The following PRKCD variants were observed in gnomAD, a reference collection of about 807,000 sequenced individuals.
The protein encoded by PRKCD is protein kinase C delta, also known as protein kinase C delta type.
A neutral mutation model predicts 82.2 loss-of-function variants in PRKCD; 20 were observed. That is an observed-to-expected ratio of 0.24 (90% CI 0.17 to 0.35). PRKCD has a LOEUF of 0.35. PRKCD is among the 10% of genes least tolerant of loss of function. The probability of loss-of-function intolerance (pLI) is 1.00; values close to 1 mark genes in which losing one functional copy is unlikely to be tolerated. For synonymous variants in PRKCD, 317 were observed against 337.0 expected (o/e 0.94, Z 0.65); for missense variants, 607 against 899.0 (o/e 0.68, Z 4.15).
In PRKCD at chr3:53,181,473, G is replaced by A. The variant is rs1703438609; in HGVS notation, c.406G>A (p.Glu136Lys). ...DCKQSMRSEDEAKFPTMNRRG... is the reference protein window; with the variant it reads ...DCKQSMRSEDKAKFPTMNRRG... ...CAAACAGTCTATGCGCAGTGAGGAC[G>A]AGGCCAAGTTCCCAACGATGAACCG... is the stretch of plus-strand genomic sequence containing the variant. Residue 136 changes from glutamate (E) to lysine (K), a missense_variant, in exon 6 of 19, where the codon GAG becomes AAG. This residue lies in a region of PRKCD where 161 missense variants were observed against 227.0 expected (regional missense o/e 0.71). Coordinates refer to ENST00000330452, the MANE Select transcript of PRKCD (RefSeq NM_006254.4). 3 of 1,614,146 alleles carry A rather than the reference G, an allele frequency of 1.9e-6. No individual in the cohort carries two copies. The highest frequency in any genetic ancestry group is 1.3e-5 in the African/African-American group (1 of 75,012).
chr3:53,170,630 G>T (rs1702989838), intron 2 of PRKCD, among the ~76,000 whole-genome samples: 2 of 152,244 alleles, frequency 1.3e-5, no homozygotes, highest in African/African-American at 4.8e-5. Flanking sequence ...CTCCCTGGGT[G>T]GAAAGGCCCA....
In PRKCD at chr3:53,186,157, TC is replaced by T; in HGVS notation, c.1087-6del. On this transcript the variant is annotated splice_polypyrimidine_tract_variant and intron_variant, in intron 12 of 18. Coordinates refer to ENST00000330452, the MANE Select transcript of PRKCD (RefSeq NM_006254.4). ...TCCTCACCTGCTCAGCACCCGTGTC[TC>T]CCCATCAGGTGCTGCTTGGAGAGCT... is the stretch of plus-strand genomic sequence containing the variant. The T allele has an allele frequency of 6.2e-7, 1 of 1,612,968 alleles. No homozygotes were observed. The highest frequency in any genetic ancestry group is 1.3e-5 in the African/African-American group (1 of 74,974).
At chr3:53,186,900 C>T (rs971876612) in intron 14 of PRKCD, among the ~76,000 whole-genome samples, 4 of 152,196 alleles carry the variant, frequency 2.6e-5, no homozygotes, top group African/African-American at 4.8e-5. Flanking sequence ...CGGCTGGGTG[C>T]GCAGCGCAAA....
At chr3:53,166,315 C>T (rs1247725283) in intron 2 of PRKCD, among the ~76,000 whole-genome samples, 1 of 152,210 alleles carries the variant, frequency 6.6e-6, no homozygotes, top group Non-Finnish European at 1.5e-5. Context: ...CTAGGGGCCT[C>T]TGCCACCTAA....
rs782337010 is a variant in PRKCD, at chr3:53,178,402, A to G, written c.-19-2A>G. The G allele has an allele frequency of 3.1e-6, 5 of 1,603,226 alleles. No individual in the cohort carries two copies. The highest frequency in any genetic ancestry group is 4.3e-6 in the Non-Finnish European group (5 of 1,174,394). ...CCTGGCCTCACCCCTCTGTGTGCAC[A>G]GCCCCACTGCAGGCCCCACCATGGC... On this transcript the variant is annotated splice_acceptor_variant, in intron 2 of 18. Transcript: ENST00000330452. LOFTEE classifies it low-confidence loss of function (5UTR_SPLICE).
At chr3:53,183,053 C>T (rs2107267366) in intron 7 of PRKCD, 68 bp from the exon 8 acceptor site, 5 of 1,516,558 alleles carry the variant, frequency 3.3e-6, no homozygotes, top group Non-Finnish European at 4.6e-6. Flanking sequence ...GGTCGGCAGG[C>T]ACCAGCTCAT....
At chr3:53,180,934 C>T (rs374140936) in intron 4 of PRKCD, among the ~76,000 whole-genome samples, 12 of 152,024 alleles carry the variant, frequency 7.9e-5, no homozygotes, top group African/African-American at 2.4e-4. Context: ...TTTCCCTTCC[C>T]GCTCTATTCC....
intron 1 of PRKCD, among the ~76,000 whole-genome samples, chr3:53,163,399 G>A (rs568076761): frequency 1.3e-5 from 2 of 152,080 alleles, no homozygotes; most frequent in South Asian, 4.1e-4. Context: ...GAGTGTGTGG[G>A]AGACCATGAG....
chr3:53,175,417 C>T (rs1703182684), intron 2 of PRKCD, among the ~76,000 whole-genome samples: 1 of 152,102 alleles, frequency 6.6e-6, no homozygotes, highest in African/African-American at 2.4e-5. Context: ...TAGCCCTTAT[C>T]CTACGTGAGT....
chr3:53,164,680 G>T (rs1180416658), intron 1 of PRKCD, among the ~76,000 whole-genome samples: 1 of 152,044 alleles, frequency 6.6e-6, no homozygotes, highest in East Asian at 1.9e-4. Context: ...AGAACCACCT[G>T]GGGAGAAGAG....
In PRKCD at chr3:53,179,425, G is replaced by A. The variant is rs782672691; in HGVS notation, c.116-152G>A. 6 of 963,950 alleles carry A rather than the reference G, an allele frequency of 6.2e-6. No individual in the cohort carries two copies. The East Asian group carries it at 7.2e-5, about 11-fold the overall frequency. 59.7% of individuals were successfully genotyped at this position (963,950 alleles called of 1,614,324 possible). ...AGGGAGGACCTAGCAGGGTGCCCAA[G>A]GTAGTTCTGTGCTCTAGAGGACACT... On this transcript the variant is annotated intron_variant, in intron 3 of 18. Transcript: ENST00000330452.
chr3:53,189,376 C>T (rs531917750), intron 17 of PRKCD, 130 bp downstream of exon 17: 31 of 967,024 alleles, frequency 3.2e-5, no homozygotes, highest in South Asian at 2.4e-4. Flanking sequence ...TCCTAACATA[C>T]GGGGTATTGC....
intron 4 of PRKCD, among the ~76,000 whole-genome samples, chr3:53,180,270 A>G (rs1319168869): frequency 6.6e-6 from 1 of 152,222 alleles, no homozygotes; most frequent in Non-Finnish European, 1.5e-5. Context: ...GGCACCCATT[A>G]TCCCAGTTCT....
chr3:53,186,367 C>G (rs1553669099), intron 13 of PRKCD, 27 bp downstream of exon 13: 1 of 1,612,900 alleles, frequency 6.2e-7, no homozygotes, highest in Non-Finnish European at 8.5e-7. Context: ...CCGTCACCAC[C>G]CCATGCCACA....
chr3:53,171,718 G>C (rs902973580), intron 2 of PRKCD, among the ~76,000 whole-genome samples: 1 of 152,250 alleles, frequency 6.6e-6, no homozygotes, highest in Non-Finnish European at 1.5e-5. Context: ...AATTCAGAAG[G>C]CTGTTCCAGC....
rs1010140622 is a variant in PRKCD, at chr3:53,186,264, T to C, written c.1184T>C (p.Met395Thr). 6.2e-7 allele frequency: 1 copy of C among 1,614,056 alleles called. No individual in the cohort carries two copies. Among genetic ancestry groups the C allele is most frequent in the African/African-American group, 1.3e-5 (1 of 74,928 alleles). ...VLIDDDVECT[M>T]VEKRVLTLAA... Reference sequence around the variant, plus strand: ...ATCGACGACGACGTGGAGTGCACCATGGTTGAGAAGCGGGTGCTGACACTT... The same window carrying C: ...ATCGACGACGACGTGGAGTGCACCACGGTTGAGAAGCGGGTGCTGACACTT... The change falls in exon 13 of 19, where the codon ATG (methionine) becomes ACG (threonine). Residue 395 changes from methionine (M) to threonine (T), a missense_variant. By Grantham distance (81) the Met-to-Thr change is moderately conservative. Around this residue, in one of 5 missense-constraint regions of PRKCD, gnomAD observed 251 missense variants for 423.9 expected, o/e 0.59. Coordinates refer to ENST00000330452, the MANE Select transcript of PRKCD (RefSeq NM_006254.4).
At chr3:53,162,727 C>A (rs1702714998) in intron 1 of PRKCD, among the ~76,000 whole-genome samples, 1 of 145,064 alleles carries the variant, frequency 6.9e-6, no homozygotes, top group African/African-American at 2.6e-5. Context: ...TGTGTCCTTG[C>A]CTGCTAGTGT....
At chr3:53,170,917 C>T (rs1212170543) in intron 2 of PRKCD, among the ~76,000 whole-genome samples, 1 of 151,270 alleles carries the variant, frequency 6.6e-6, no homozygotes, top group Non-Finnish European at 1.5e-5. Context: ...ATGTGAGAGC[C>T]GGTGAGTGCA....
At position 53,186,004 on chromosome 3, in the gene PRKCD, C is replaced by T. The variant is rs1426372473; in HGVS notation, c.1063C>T (p.Leu355=). Residue 355 remains leucine, a synonymous_variant, in exon 12 of 19, where the codon CTG becomes TTG. Coordinates refer to ENST00000330452, the MANE Select transcript of PRKCD (RefSeq NM_006254.4). The part of the protein sequence containing the change: ...NINNFIFHKV[L]GKGSFGKVLL... ...CAACAACTTCATCTTCCACAAGGTCCTGGGCAAAGGCAGCTTCGGGAAGGT... is the reference window on the plus strand; with the variant it reads ...CAACAACTTCATCTTCCACAAGGTCTTGGGCAAAGGCAGCTTCGGGAAGGT... The T allele has an allele frequency of 6.2e-7, 1 of 1,614,234 alleles. No individual in the cohort carries two copies. Among genetic ancestry groups the T allele is most frequent in the Non-Finnish European group, 8.5e-7 (1 of 1,180,040 alleles).
Sources: gnomAD v4.1 joint callset for allele counts (sites outside exome capture counted in the v4.1 genomes callset) on GRCh38, gnomAD v4.1.1 for gene constraint, gnomAD v4.1.1 regional missense constraint, MANE v1.5 for transcripts, NCBI Gene and HGNC (gene_info 2026-07-23, HGNC 2026-07-21) for gene names.